IL21R: variants seen among roughly 807,000 people sequenced by gnomAD.
IL21R encodes interleukin-21 receptor.
IL21R carries 14 observed loss-of-function variants against 41.3 expected under a neutral mutation model. The observed-to-expected ratio is 0.34, with a 90% CI of 0.22 to 0.53. The LOEUF (loss-of-function observed/expected upper bound fraction) is 0.53, where lower values mean the gene tolerates loss of function less well. Among genes scored for constraint, IL21R ranks in the 20% least tolerant of loss-of-function variants. The pLI, the probability that IL21R is intolerant of heterozygous loss-of-function variation, is 0.94. For missense variants in IL21R, 588 were observed against 681.6 expected, an observed-to-expected ratio of 0.86 and a Z score of 1.53; for synonymous variants, 286 against 287.6, an observed-to-expected ratio of 0.99 and a Z score of 0.05.
chr16:27,421,548 C>T (rs1387534220), intron 1 of IL21R, among the ~76,000 whole-genome samples: 1 of 152,066 alleles, frequency 6.6e-6, no homozygotes, highest in African/African-American at 2.4e-5. Context: ...ACAAATTCAT[C>T]TCATATTAAC....
intron 1 of IL21R, chr16:27,427,172 A>T: frequency 3.1e-6 from 1 of 324,704 alleles, no homozygotes; most frequent in Non-Finnish European, 4.4e-6. Context: ...CACTGTGGTC[A>T]GACAGATGGG....
intron 3 of IL21R, among the ~76,000 whole-genome samples, chr16:27,434,881 A>G (rs1425231464): frequency 2.0e-5 from 3 of 152,092 alleles, no homozygotes; most frequent in African/African-American, 7.2e-5. Context: ...AGACCGCCCA[A>G]CTCCAAAGTC....
chr16:27,418,277 C>T (rs1270114555), intron 1 of IL21R, among the ~76,000 whole-genome samples: 2 of 151,602 alleles, frequency 1.3e-5, no homozygotes, highest in African/African-American at 2.4e-5. Flanking sequence ...CACGTGCTAA[C>T]CAGGATGGTC....
Position 27,450,317 on chromosome 16 carries a change from C to T in IL21R, c.*1034C>T, listed in dbSNP as rs1217493984. 4.3e-6 allele frequency: 1 copy of T among 231,862 alleles called. No homozygotes were observed. The highest frequency in any genetic ancestry group is 6.1e-5 in the East Asian group (1 of 16,460). 14.4% of individuals were successfully genotyped at this position (231,862 alleles called of 1,614,324 possible). ...AGAGATATTTATTAAACACCAATTACGTAGCAGGCCATGGCTCATGGGACC... is the reference window on the plus strand; with the variant it reads ...AGAGATATTTATTAAACACCAATTATGTAGCAGGCCATGGCTCATGGGACC... On this transcript the variant is annotated 3_prime_UTR_variant, in exon 9 of 9. Coordinates refer to ENST00000337929, the MANE Select transcript of IL21R (RefSeq NM_181078.3).
chr16:27,418,064 T>A (rs200811052), intron 1 of IL21R, among the ~76,000 whole-genome samples: 6 of 83,536 alleles, frequency 7.2e-5, no homozygotes, highest in East Asian at 1.0e-3. Context: ...TATTTTATTT[T>A]ATTTATGTTA....
chr16:27,444,908 G>A (rs1191985965), intron 6 of IL21R, among the ~76,000 whole-genome samples, 189 bp downstream of exon 6: 1 of 152,204 alleles, frequency 6.6e-6, no homozygotes, highest in East Asian at 1.9e-4. Context: ...TGCTTCTTCT[G>A]TTAGGCATTT....
At chr16:27,410,458 TGA>T (rs1286604739) in intron 1 of IL21R, among the ~76,000 whole-genome samples, 1 of 152,228 alleles carries the variant, frequency 6.6e-6, no homozygotes, top group Non-Finnish European at 1.5e-5. Flanking sequence ...AGAAATATAA[TGA>T]GTTTTTATAC....
At position 27,437,560 on chromosome 16, in the gene IL21R, G is replaced by C; in HGVS notation, c.225G>C (p.Thr75=). Residue 75 remains threonine (T), a synonymous_variant, in exon 4 of 9, where the codon ACG becomes ACC. Coordinates refer to ENST00000337929, the MANE Select transcript of IL21R (RefSeq NM_181078.3). ...CSLHRSAHNA[T]HATYTCHMDV... ...TCCACAGGTCGGCCCACAATGCCACGCATGCCACCTACACCTGCCACATGG... is the reference window on the plus strand; with the variant it reads ...TCCACAGGTCGGCCCACAATGCCACCCATGCCACCTACACCTGCCACATGG... The C allele has an allele frequency of 6.2e-7, 1 of 1,614,158 alleles. No individual in the cohort carries two copies. Among genetic ancestry groups the C allele is most frequent in the Non-Finnish European group, 8.5e-7 (1 of 1,179,984 alleles).
rs961914 is a variant in IL21R, at chr16:27,402,529, C to T, written c.-106C>T. On this transcript the variant is annotated 5_prime_UTR_variant, in exon 1 of 9. Transcript: ENST00000337929. ...TTTCTCAGACCCTCATCTGTCACCCCCACGCTGAACCCAGCTGCCACCCCC... is the reference window on the plus strand; with the variant it reads ...TTTCTCAGACCCTCATCTGTCACCCTCACGCTGAACCCAGCTGCCACCCCC... 14,642 of 153,818 alleles carry T rather than the reference C, an allele frequency of 0.095. 953 individuals carry two copies. Among genetic ancestry groups the T allele is most frequent in the Non-Finnish European group, 0.14 (9,508 of 68,990 alleles). The allele number at this position is 153,818 out of a possible 1,614,324, so 9.5% of individuals were successfully genotyped here.
chr16:27,422,251 G>A (rs1596575500), intron 1 of IL21R, among the ~76,000 whole-genome samples: 1 of 151,850 alleles, frequency 6.6e-6, no homozygotes, highest in African/African-American at 2.4e-5. Flanking sequence ...TCTATGATAT[G>A]CCTAGATGTG....
chr16:27,414,071 T>C (rs948945573), intron 1 of IL21R, among the ~76,000 whole-genome samples: 1 of 151,958 alleles, frequency 6.6e-6, no homozygotes, highest in Non-Finnish European at 1.5e-5. Flanking sequence ...TTATGTTAAT[T>C]AGCACCTCTA....
At chr16:27,446,577 G>C (rs1043219852) in intron 8 of IL21R, among the ~76,000 whole-genome samples, 2 of 150,598 alleles carry the variant, frequency 1.3e-5, no homozygotes, top group Non-Finnish European at 2.9e-5. Flanking sequence ...CCAACAGACA[G>C]AGACTATATC....
At position 27,443,645 on chromosome 16, in the gene IL21R, G is replaced by A. The variant is rs553700487; in HGVS notation, c.507+529G>A. Among the ~76,000 whole-genome samples, 13 of 152,228 alleles carry A rather than the reference G, an allele frequency of 8.5e-5. No homozygotes were observed. The East Asian group carries it at 1.9e-3, about 23-fold the overall frequency. On this transcript the variant is annotated intron_variant, in intron 5 of 8. Coordinates refer to ENST00000337929, the MANE Select transcript of IL21R (RefSeq NM_181078.3). ...TAAAAATACAAAAAATTAGCCAGGC[G>A]TGGTGACATGCACCTGTAATCCAGC...
chr16:27,433,318 T>A (rs1273344802), intron 2 of IL21R, among the ~76,000 whole-genome samples: 1 of 151,908 alleles, frequency 6.6e-6, no homozygotes, highest in Non-Finnish European at 1.5e-5. Flanking sequence ...ACACAAAAAT[T>A]ATCCAGGCAT....
chr16:27,426,482 G>A (rs1443462019), intron 1 of IL21R, among the ~76,000 whole-genome samples: 1 of 152,258 alleles, frequency 6.6e-6, no homozygotes, highest in African/African-American at 2.4e-5. Context: ...GACCATGAAA[G>A]TTGAGTTGAG....
At chr16:27,404,266 A>G (rs1000770148) in intron 1 of IL21R, among the ~76,000 whole-genome samples, 1 of 152,098 alleles carries the variant, frequency 6.6e-6, no homozygotes, top group Non-Finnish European at 1.5e-5. Context: ...AGCCCTTGTG[A>G]TAGGAGGAGG....
intron 1 of IL21R, among the ~76,000 whole-genome samples, chr16:27,404,193 G>T (rs1351786617): frequency 2.0e-5 from 3 of 152,124 alleles, no homozygotes; most frequent in Non-Finnish European, 2.9e-5. Flanking sequence ...CCCCTGTCCT[G>T]CCCGCTCCTC....
chr16:27,413,948 C>T (rs534250052), intron 1 of IL21R, among the ~76,000 whole-genome samples: 2 of 151,802 alleles, frequency 1.3e-5, no homozygotes, highest in African/African-American at 4.8e-5. Context: ...AATTATTATT[C>T]TAATAGTTTA....
intron 1 of IL21R, among the ~76,000 whole-genome samples, chr16:27,425,266 C>A (rs947363951): frequency 1.3e-5 from 2 of 152,264 alleles, no homozygotes; most frequent in East Asian, 3.9e-4. Flanking sequence ...GGTCAGCCTG[C>A]GTGCAAAGAC....
Sources: allele counts gnomAD v4.1 joint callset (sites outside exome capture counted in the v4.1 genomes callset), GRCh38; gene constraint gnomAD v4.1.1; transcripts MANE v1.5; gene names NCBI Gene and HGNC (gene_info 2026-07-23, HGNC 2026-07-21).